CDH12: variants seen among roughly 807,000 people sequenced by gnomAD.
CDH12 encodes the protein cadherin 12.
In CDH12, 41 loss-of-function variants were observed where a neutral mutation model predicts 74.1. That is an observed-to-expected ratio of 0.55 (90% CI 0.43 to 0.72). CDH12 has a LOEUF of 0.72. Ranked by LOEUF, CDH12 falls within the 30% of genes least tolerant of loss-of-function variation. CDH12 has a pLI of 0.00. For synonymous variants in CDH12, 399 were observed against 355.0 expected (o/e 1.12, Z -1.39); for missense variants, 945 against 977.2 (o/e 0.97, Z 0.44).
chr5:22,741,702 AG>A (rs1745032394), intron 1 of CDH12, among the ~76,000 whole-genome samples: 1 of 152,198 alleles, frequency 6.6e-6, no homozygotes, highest in Non-Finnish European at 1.5e-5. Context: ...ATTTTCTAAA[AG>A]CTCTCTCAGC....
At chr5:21,896,233 C>T (rs973989621) in intron 6 of CDH12, among the ~76,000 whole-genome samples, 15 of 152,172 alleles carry the variant, frequency 9.9e-5, no homozygotes, top group African/African-American at 2.7e-4. Context: ...GAGAAAAATA[C>T]AAATACATAT....
intron 4 of CDH12, among the ~76,000 whole-genome samples, chr5:22,169,046 ATC>A (rs1459464852): frequency 6.6e-6 from 1 of 150,392 alleles, no homozygotes; most frequent in Non-Finnish European, 1.5e-5. Context: ...TGTCCATCCA[ATC>A]TCTGTTTCTC....
chr5:21,816,589 C>A (rs1748052321), intron 9 of CDH12, among the ~76,000 whole-genome samples: 1 of 113,846 alleles, frequency 8.8e-6, no homozygotes, highest in African/African-American at 3.2e-5. Context: ...CTCACCACTG[C>A]ACTCCAGCCT....
intron 6 of CDH12, among the ~76,000 whole-genome samples, chr5:21,902,406 G>C (rs1306176728): frequency 6.6e-6 from 1 of 151,944 alleles, no homozygotes; most frequent in Non-Finnish European, 1.5e-5. Flanking sequence ...TCCAGAGCCA[G>C]TGGATTAAGT....
At chr5:21,804,334 G>A (rs886545116) in intron 9 of CDH12, among the ~76,000 whole-genome samples, 2 of 152,048 alleles carry the variant, frequency 1.3e-5, no homozygotes, top group Non-Finnish European at 2.9e-5. Context: ...ATGTTCCTTT[G>A]ATCAGCCTAA....
At chr5:21,801,439 A>G (rs1045127757) in intron 10 of CDH12, among the ~76,000 whole-genome samples, 1 of 152,170 alleles carries the variant, frequency 6.6e-6, no homozygotes, top group African/African-American at 2.4e-5. Context: ...CAAGCATACA[A>G]TAGAACGAAT....
At chr5:22,847,431 C>T (rs1737357806) in intron 1 of CDH12, among the ~76,000 whole-genome samples, 1 of 152,120 alleles carries the variant, frequency 6.6e-6, no homozygotes, top group Non-Finnish European at 1.5e-5. Context: ...TTGTTATCTG[C>T]TGTTACTTCA....
At chr5:22,223,332 A>C (rs1752083072) in intron 3 of CDH12, among the ~76,000 whole-genome samples, 1 of 152,008 alleles carries the variant, frequency 6.6e-6, no homozygotes. Flanking sequence ...GAGCTGGCAT[A>C]ATCTCTTGCG....
intron 3 of CDH12, among the ~76,000 whole-genome samples, chr5:22,292,623 A>AACACACAC (rs35149500): frequency 1.3e-5 from 2 of 149,646 alleles, no homozygotes; most frequent in East Asian, 2.0e-4. Flanking sequence ...ATGCTTCTCA[A>AACACACAC]ACACACACAC....
intron 4 of CDH12, among the ~76,000 whole-genome samples, chr5:22,163,995 A>G (rs372284577): frequency 6.6e-6 from 1 of 152,344 alleles, no homozygotes; most frequent in South Asian, 2.1e-4. Context: ...TTAATCAGGA[A>G]GTATGTCCCA....
rs2547624 is a variant in CDH12 at position 21,975,110 on chromosome 5, A to G, written c.507T>C (p.Val169=). Residue 169 remains valine, a synonymous_variant, in exon 6 of 15, where the codon GTT becomes GTC. Coordinates refer to ENST00000382254, the MANE Select transcript of CDH12 (RefSeq NM_004061.5). ...ACTCACCCACAGGAGACATTTCTGG[A>G]ACAGTAGCAACATAAGGTCCATCCA... is the stretch of plus-strand genomic sequence containing the variant. ...KFLDGPYVAT[V]PEMSPVGAYV... is the part of the protein sequence containing the mutation. The G allele has an allele frequency of 6.3e-7, 1 of 1,596,250 alleles. No individual in the cohort carries two copies. Among genetic ancestry groups the G allele is most frequent in the Non-Finnish European group, 8.5e-7 (1 of 1,179,090 alleles).
At chr5:21,791,696 G>T (rs866925979) in intron 10 of CDH12, among the ~76,000 whole-genome samples, 2 of 149,812 alleles carry the variant, frequency 1.3e-5, no homozygotes, top group East Asian at 2.0e-4. Flanking sequence ...AAAAAAAAAG[G>T]TTTTAACATT....
At chr5:22,008,515 C>T (rs1737099110) in intron 5 of CDH12, among the ~76,000 whole-genome samples, 1 of 152,198 alleles carries the variant, frequency 6.6e-6, no homozygotes, top group Non-Finnish European at 1.5e-5. Flanking sequence ...AGGCGTGAGC[C>T]ACTGCACCCG....
intron 11 of CDH12, among the ~76,000 whole-genome samples, chr5:21,768,212 C>CA (rs1745131062): frequency 6.6e-6 from 1 of 151,772 alleles, no homozygotes; most frequent in Admixed American, 6.6e-5. Flanking sequence ...TACTGTTCCA[C>CA]ATTGCCTATA....
chr5:22,227,615 A>G (rs1449126353), intron 3 of CDH12, among the ~76,000 whole-genome samples: 1 of 152,174 alleles, frequency 6.6e-6, no homozygotes. Flanking sequence ...AGGGCATCTC[A>G]GTGCAACAGA....
intron 2 of CDH12, among the ~76,000 whole-genome samples, chr5:22,442,194 A>G (rs1169290609): frequency 6.6e-6 from 1 of 152,196 alleles, no homozygotes; most frequent in Admixed American, 6.5e-5. Context: ...AAATGTTTGT[A>G]TTTATAAGCA....
intron 6 of CDH12, among the ~76,000 whole-genome samples, chr5:21,904,993 G>A (rs1753569347): frequency 6.6e-6 from 1 of 152,188 alleles, no homozygotes; most frequent in Admixed American, 6.6e-5. Flanking sequence ...CCAAGGTGAT[G>A]TACAGGAAAG....
In CDH12 at chr5:21,975,288, T is replaced by G; in HGVS notation, c.329A>C (p.Asp110Ala). 6.3e-7 allele frequency: 1 copy of G among 1,597,024 alleles called. No homozygotes were observed. ...TVFTIDETTG[D>A]IHAIRSLDRE... ...ATCTAGGCTCCTTATTGCATGAATG[T>G]CCCCTGTGGTTTCATCAATGGTAAA... Residue 110 changes from aspartate to alanine, a missense_variant, in exon 6 of 15, where the codon GAC becomes GCC. Physicochemically the swap from Asp to Ala is moderately radical, Grantham distance 126. Coordinates refer to ENST00000382254, the MANE Select transcript of CDH12 (RefSeq NM_004061.5).
chr5:22,145,146 G>A (rs375807059), intron 4 of CDH12, among the ~76,000 whole-genome samples: 1 of 152,050 alleles, frequency 6.6e-6, no homozygotes, highest in South Asian at 2.1e-4. Context: ...TCAACTCCAC[G>A]TCAAGACAGT....
Sources: gnomAD v4.1 joint callset for allele counts (sites outside exome capture counted in the v4.1 genomes callset) on GRCh38, gnomAD v4.1.1 for gene constraint, MANE v1.5 for transcripts, NCBI Gene and HGNC (gene_info 2026-07-23, HGNC 2026-07-21) for gene names.